The following ATAD1 variants were observed in gnomAD, a reference collection of about 807,000 sequenced individuals.
The protein encoded by ATAD1 is outer mitochondrial transmembrane helix translocase.
In ATAD1, 18 loss-of-function variants were observed where a neutral mutation model predicts 42.7. The observed-to-expected ratio is 0.42, with a 90% confidence interval of 0.29 to 0.63. ATAD1 has a LOEUF of 0.63. ATAD1 is among the 20% of genes least tolerant of loss of function. ATAD1 has a pLI of 0.19. For synonymous variants in ATAD1, 132 were observed against 143.1 expected, an observed-to-expected ratio of 0.92 and a Z score of 0.55; for missense variants, 294 against 440.4, an observed-to-expected ratio of 0.67 and a Z score of 2.98.
intron 1 of ATAD1, 45 bp downstream of exon 1, chr10:87,818,122 A>C: frequency 1.0e-6 from 1 of 985,584 alleles, no homozygotes; most frequent in Non-Finnish European, 1.2e-6. Flanking sequence ...CCTCAGAAGG[A>C]TACGACAACC....
intron 1 of ATAD1, among the ~76,000 whole-genome samples, chr10:87,837,485 G>A (rs1360358280): frequency 6.6e-6 from 1 of 152,174 alleles, no homozygotes; most frequent in Non-Finnish European, 1.5e-5. Context: ...CTTTAGTTCA[G>A]TCTCAAAGTC....
chr10:87,758,289 AG>A (rs1854318920), intron 8 of ATAD1, among the ~76,000 whole-genome samples: 3 of 152,326 alleles, frequency 2.0e-5, no homozygotes, highest in South Asian at 4.1e-4. Context: ...AAGGATAGAA[AG>A]GGTACACTAA....
intron 1 of ATAD1, among the ~76,000 whole-genome samples, chr10:87,835,208 G>A (rs1857909302): frequency 1.3e-5 from 2 of 151,992 alleles, no homozygotes; most frequent in African/African-American, 4.8e-5. Context: ...TGCTATTGTT[G>A]GGTGGAGTAT....
At chr10:87,830,908 A>G (rs1209696774) in intron 1 of ATAD1, among the ~76,000 whole-genome samples, 3 of 152,192 alleles carry the variant, frequency 2.0e-5, no homozygotes, top group Non-Finnish European at 4.4e-5. Context: ...ATATAATTTC[A>G]ATAAATCACA....
chr10:87,767,456 C>A (rs1014561475), intron 8 of ATAD1, among the ~76,000 whole-genome samples: 1 of 152,174 alleles, frequency 6.6e-6, no homozygotes, highest in Non-Finnish European at 1.5e-5. Flanking sequence ...TCCAGTGCCG[C>A]TGCTGATGTG....
At position 87,808,604 on chromosome 10, in the gene ATAD1, T is replaced by C. The variant is rs535180592; in HGVS notation, c.162+5834A>G. Among the ~76,000 whole-genome samples the C allele has an allele frequency of 5.3e-5, 8 of 152,256 alleles. No homozygotes were observed. In the East Asian group the frequency reaches 1.2e-3, roughly 22 times the overall value. On this transcript the variant is annotated intron_variant, in intron 2 of 9. Coordinates refer to ENST00000680024, the MANE Select transcript of ATAD1 (RefSeq NM_001321967.2). ...AAAAGAACACTATCTTCTGTTCCCATTTTATTAAAAGCTTTTCTAAAACCA... is the reference window on the plus strand; with the variant it reads ...AAAAGAACACTATCTTCTGTTCCCACTTTATTAAAAGCTTTTCTAAAACCA...
intron 1 of ATAD1, among the ~76,000 whole-genome samples, chr10:87,824,223 G>GA (rs1031781277): frequency 2.7e-5 from 4 of 147,482 alleles, no homozygotes; most frequent in African/African-American, 5.3e-5. Context: ...GATTAAAGAG[G>GA]AAAAAAAAGG....
chr10:87,816,308 AT>A (rs1045623761), intron 1 of ATAD1, among the ~76,000 whole-genome samples: 9 of 152,158 alleles, frequency 5.9e-5, no homozygotes, highest in African/African-American at 2.2e-4. Context: ...CTTCTGAAGG[AT>A]TTCCAAAAGG....
chr10:87,816,554 C>T (rs1014668903), intron 1 of ATAD1, among the ~76,000 whole-genome samples: 7 of 151,892 alleles, frequency 4.6e-5, no homozygotes, highest in Non-Finnish European at 1.0e-4. Flanking sequence ...ACACACTGTC[C>T]GGCTATTATA....
intron 2 of ATAD1, among the ~76,000 whole-genome samples, chr10:87,810,417 A>T (rs562481279): frequency 6.6e-6 from 1 of 152,190 alleles, no homozygotes; most frequent in South Asian, 2.1e-4. Flanking sequence ...CTTAATTTTT[A>T]AAAAATCTGA....
chr10:87,790,896 A>G (rs1232131217), intron 3 of ATAD1, among the ~76,000 whole-genome samples: 6 of 151,950 alleles, frequency 3.9e-5, no homozygotes, highest in Non-Finnish European at 8.8e-5. Context: ...TCAAAAGTAA[A>G]CCTATGGACC....
At chr10:87,759,749 A>G (rs1225715618) in intron 8 of ATAD1, 1 of 455,882 alleles carries the variant, frequency 2.2e-6, no homozygotes. Context: ...AATCCTGGGC[A>G]AGTTATTACA....
At position 87,771,147 on chromosome 10, in the gene ATAD1, A is replaced by C. The variant is rs1855011935; in HGVS notation, c.691-106T>G. On this transcript the variant is annotated intron_variant, in intron 6 of 9. Transcript: ENST00000680024. ...AAAAATTAAGTGGTATTTTAACTAA[A>C]TCCTTTGTAAGAAATCTGATTTTAA... is the stretch of plus-strand genomic sequence containing the variant. 5.6e-6 allele frequency: 4 copies of C among 713,090 alleles called. No homozygotes were observed. In the Admixed American group the frequency reaches 9.1e-5, roughly 16 times the overall value. 44.2% of individuals were successfully genotyped at this position (713,090 alleles called of 1,614,324 possible).
chr10:87,816,105 G>T (rs1857404433), intron 1 of ATAD1, among the ~76,000 whole-genome samples: 1 of 152,044 alleles, frequency 6.6e-6, no homozygotes, highest in Non-Finnish European at 1.5e-5. Flanking sequence ...AAAAAGTCTT[G>T]CTTTTGAGAT....
intron 1 of ATAD1, among the ~76,000 whole-genome samples, chr10:87,840,462 G>A (rs1251723709): frequency 6.6e-6 from 1 of 152,168 alleles, no homozygotes; most frequent in African/African-American, 2.4e-5. Context: ...TCCAGCCTAG[G>A]TGACAGAGTG....
chr10:87,780,801 T>C (rs981490842), intron 5 of ATAD1, among the ~76,000 whole-genome samples: 8 of 152,172 alleles, frequency 5.3e-5, no homozygotes, highest in African/African-American at 1.9e-4. Context: ...AACATCTACA[T>C]ACAGGCTGAA....
upstream of ATAD1, among the ~76,000 whole-genome samples, chr10:87,822,227 C>T (rs145673379): frequency 7.3e-3 from 1,114 of 152,168 alleles, 18 homozygotes; most frequent in African/African-American, 0.025. Flanking sequence ...ACTTGGTTAC[C>T]TTTGTTCTTT....
At position 87,767,664 on chromosome 10, in the gene ATAD1, T is replaced by C; in HGVS notation, c.831+9A>G. The C allele has an allele frequency of 6.2e-7, 1 of 1,607,040 alleles. No individual in the cohort carries two copies. ...TAGGACGGGGAAAAAATTTTTATTT[T>C]CTACTTACATTTTCATTTTTCAAGA... is the stretch of plus-strand genomic sequence containing the variant. On this transcript the variant is annotated intron_variant, in intron 8 of 9. Transcript: ENST00000680024.
intron 2 of ATAD1, among the ~76,000 whole-genome samples, chr10:87,809,633 T>C (rs1857086514): frequency 6.6e-6 from 1 of 150,714 alleles, no homozygotes; most frequent in African/African-American, 2.5e-5. Flanking sequence ...ATTTTTTTTA[T>C]TTATTAATTT....
Sources: allele counts gnomAD v4.1 joint callset (sites outside exome capture counted in the v4.1 genomes callset), GRCh38; gene constraint gnomAD v4.1.1; transcripts MANE v1.5; gene names NCBI Gene and HGNC (gene_info 2026-07-23, HGNC 2026-07-21).